The following GLDC variants were observed in gnomAD, a reference collection of about 807,000 sequenced individuals.
The protein encoded by GLDC is glycine decarboxylase.
A neutral mutation model predicts 121.3 loss-of-function variants in GLDC; 104 were observed. The observed-to-expected ratio is 0.86, with a 90% CI of 0.73 to 1.01. The LOEUF is 1.01. GLDC is among the 50% of genes least tolerant of loss of function. The probability of loss-of-function intolerance (pLI) is 0.00; values close to 1 mark genes in which losing one functional copy is unlikely to be tolerated. For missense variants in GLDC, 1,429 were observed against 1,306.6 expected (o/e 1.09, Z -1.44); for synonymous variants, 546 against 480.6 (o/e 1.14, Z -1.78).
At chr9:6,631,893 C>A (rs1819389736) in intron 2 of GLDC, among the ~76,000 whole-genome samples, 1 of 152,080 alleles carries the variant, frequency 6.6e-6, no homozygotes, top group Non-Finnish European at 1.5e-5. Context: ...ACAGCAAGAC[C>A]CCCGTCTCTA....
At chr9:6,553,054 T>G (rs4512434) in intron 20 of GLDC, among the ~76,000 whole-genome samples, 1 of 151,948 alleles carries the variant, frequency 6.6e-6, no homozygotes, top group African/African-American at 2.4e-5. Flanking sequence ...AACCAAAGGA[T>G]GCGGCCAGAA....
chr9:6,604,398 C>T (rs1443564521), intron 7 of GLDC, among the ~76,000 whole-genome samples, 190 bp downstream of exon 7: 4 of 152,138 alleles, frequency 2.6e-5, no homozygotes, highest in Non-Finnish European at 5.9e-5. Flanking sequence ...CAAAAATTTA[C>T]AAATTTATAG....
intron 15 of GLDC, among the ~76,000 whole-genome samples, chr9:6,577,999 C>T (rs1818105018): frequency 6.6e-6 from 1 of 152,002 alleles, no homozygotes; most frequent in African/African-American, 2.4e-5. Flanking sequence ...ACTGCAGCCT[C>T]AACCTCCTGG....
intron 11 of GLDC, among the ~76,000 whole-genome samples, chr9:6,590,163 A>G (rs530391088): frequency 6.6e-6 from 1 of 152,128 alleles, no homozygotes; most frequent in South Asian, 2.1e-4. Context: ...TAAAAATTAG[A>G]TAAATTAAAT....
At chr9:6,575,976 A>T (rs10975655) in intron 15 of GLDC, among the ~76,000 whole-genome samples, 77,006 of 152,046 alleles carry the variant, frequency 0.51, 19,940 homozygotes, top group Middle Eastern at 0.56. Flanking sequence ...GTTTATGGGT[A>T]GAACAAATAA....
At chr9:6,549,211 C>T (rs1817458049) in intron 21 of GLDC, among the ~76,000 whole-genome samples, 1 of 152,250 alleles carries the variant, frequency 6.6e-6, no homozygotes, top group Non-Finnish European at 1.5e-5. Context: ...TACAGTGTCT[C>T]TCCTTATTAT....
chr9:6,645,344 G>C lies in GLDC; in HGVS notation c.156C>G (p.Leu52=). 6.5e-7 allele frequency: 1 copy of C among 1,543,610 alleles called. No individual in the cohort carries two copies. The highest frequency in any genetic ancestry group is 8.7e-7 in the Non-Finnish European group (1 of 1,148,962). Residue 52 remains leucine, a synonymous_variant, in exon 1 of 25, where the codon CTC becomes CTG. Coordinates refer to ENST00000321612, the MANE Select transcript of GLDC (RefSeq NM_000170.3). Reference sequence around the variant, plus strand: ...CGTGTCTGGGCAGAAGGCGCTCCAGGAGGCGCGAGGCCCCAGCCGCGGCGC... The same window carrying C: ...CGTGTCTGGGCAGAAGGCGCTCCAGCAGGCGCGAGGCCCCAGCCGCGGCGC... ...GDSAAAGASR[L]LERLLPRHDD...
chr9:6,557,488 G>T (rs1817659310), intron 17 of GLDC, among the ~76,000 whole-genome samples: 1 of 152,178 alleles, frequency 6.6e-6, no homozygotes, highest in Non-Finnish European at 1.5e-5. Context: ...CAGCTAATCA[G>T]GAGGCTGAGG....
intron 21 of GLDC, among the ~76,000 whole-genome samples, chr9:6,543,707 A>G (rs973701038): frequency 6.6e-6 from 1 of 152,196 alleles, no homozygotes; most frequent in African/African-American, 2.4e-5. Flanking sequence ...GCCAGATCCT[A>G]AGATGTTCTT....
Position 6,550,885 on chromosome 9 carries a change from G to A in GLDC, c.2487C>T (p.Ala829=), listed in dbSNP as rs141806715. 4,564 of 1,613,012 alleles carry A rather than the reference G, an allele frequency of 2.8e-3. 17 individuals are homozygous for A. Among genetic ancestry groups the A allele is most frequent in the Non-Finnish European group, 3.5e-3 (4,094 of 1,179,052 alleles). The change falls in exon 21 of 25, where the codon GCC becomes GCT. Residue 829 remains alanine (A), a synonymous_variant. Transcript: ENST00000321612. ...KMMGGKGLKQ[A]TETAILNANY... ...TGGCATTTAATATCGCAGTTTCCGTGGCTTGTTTAAGACCCTTGCCTCCCA... is the reference window on the plus strand; with the variant it reads ...TGGCATTTAATATCGCAGTTTCCGTAGCTTGTTTAAGACCCTTGCCTCCCA...
intron 2 of GLDC, among the ~76,000 whole-genome samples, chr9:6,627,120 C>T (rs1819259666): frequency 6.6e-6 from 1 of 151,568 alleles, no homozygotes; most frequent in Non-Finnish European, 1.5e-5. Flanking sequence ...ACGGTGAAAC[C>T]CCATCTCTAC....
At chr9:6,579,234 T>A (rs1818129860) in intron 15 of GLDC, among the ~76,000 whole-genome samples, 1 of 152,186 alleles carries the variant, frequency 6.6e-6, no homozygotes, top group Non-Finnish European at 1.5e-5. Flanking sequence ...TGTGACTATT[T>A]TATCTTCTAG....
Position 6,634,080 on chromosome 9 carries a change from T to G in GLDC, c.334+10534A>C, listed in dbSNP as rs377753166. On this transcript the variant is annotated intron_variant, in intron 2 of 24. Transcript: ENST00000321612. ...CTCCTGATCTTGTGATCCACCCGCC[T>G]CAGCCTCCCAAAGTGCTGGGATTAC... Among the ~76,000 whole-genome samples, 768 of 151,980 alleles carry G rather than the reference T, an allele frequency of 5.1e-3. 4 individuals carry two copies. Among genetic ancestry groups the G allele is most frequent in the Non-Finnish European group, 8.8e-3 (600 of 67,950 alleles).
In GLDC at chr9:6,550,884, T is replaced by A; in HGVS notation, c.2488A>T (p.Thr830Ser). 6.2e-7 allele frequency: 1 copy of A among 1,613,420 alleles called. No homozygotes were observed. Among genetic ancestry groups the A allele is most frequent in the Non-Finnish European group, 8.5e-7 (1 of 1,179,354 alleles). ...TTGGCATTTAATATCGCAGTTTCCG[T>A]GGCTTGTTTAAGACCCTTGCCTCCC... ...MMGGKGLKQA[T>S]ETAILNANYM... The change falls in exon 21 of 25, where the codon ACG (threonine) becomes TCG (serine). Residue 830 changes from threonine to serine, a missense_variant. By Grantham distance (58) the Thr-to-Ser change is moderately conservative (BLOSUM62 1). Transcript: ENST00000321612.
intron 1 of GLDC, 147 bp downstream of exon 1, chr9:6,645,098 A>G: frequency 1.3e-6 from 1 of 752,164 alleles, no homozygotes. Flanking sequence ...CAAAGGCACG[A>G]ATTTGCTTCC....
At chr9:6,637,834 T>G (rs1587984646) in intron 2 of GLDC, among the ~76,000 whole-genome samples, 1 of 151,894 alleles carries the variant, frequency 6.6e-6, no homozygotes, top group Non-Finnish European at 1.5e-5. Context: ...TAATTTATTT[T>G]AGGACTCAAC....
At chr9:6,581,499 G>A in intron 15 of GLDC, among the ~76,000 whole-genome samples, 1 of 152,194 alleles carries the variant, frequency 6.6e-6, no homozygotes, top group South Asian at 2.1e-4. Flanking sequence ...GAGGCATAGT[G>A]GCGTCTCTGA....
chr9:6,583,960 T>C (rs150363471), intron 15 of GLDC, among the ~76,000 whole-genome samples: 180 of 152,336 alleles, frequency 1.2e-3, no homozygotes, highest in African/African-American at 4.1e-3. Flanking sequence ...GTGATGGCTG[T>C]ACAACAGTGT....
At chr9:6,587,106 G>T (rs1378843639) in intron 15 of GLDC, 35 bp downstream of exon 15, 2 of 1,580,922 alleles carry the variant, frequency 1.3e-6, no homozygotes, top group South Asian at 2.2e-5. Flanking sequence ...TACAAGAATA[G>T]ATTGCTGAAA....
Sources: gnomAD v4.1 joint callset for allele counts (sites outside exome capture counted in the v4.1 genomes callset) on GRCh38, gnomAD v4.1.1 for gene constraint, MANE v1.5 for transcripts, NCBI Gene and HGNC (gene_info 2026-07-23, HGNC 2026-07-21) for gene names.